Variants in COX7A1 observed in about 807,000 individuals in gnomAD.
COX7A1 encodes the protein cytochrome c oxidase subunit 7A1.
A neutral mutation model predicts 13.2 loss-of-function variants in COX7A1; 21 were observed. The ratio of observed to expected loss-of-function variants is 1.59; its 90% CI spans 1.13 to 2.29. The LOEUF is 2.29. Among genes scored for constraint, COX7A1 ranks in the 30% most tolerant of loss-of-function variants. The pLI is 0.00. For synonymous variants in COX7A1, 41 were observed against 41.9 expected, an observed-to-expected ratio of 0.98 and a Z score of 0.08; for missense variants, 107 against 100.0, an observed-to-expected ratio of 1.07 and a Z score of -0.30.
intron 1 of COX7A1, 34 bp downstream of exon 1, chr19:36,152,359 T>C: frequency 7.9e-7 from 1 of 1,270,886 alleles, no homozygotes; most frequent in Non-Finnish European, 1.0e-6. Flanking sequence ...GTTTTCTGGG[T>C]GGGGGGCTCC....
intron 1 of COX7A1, 52 bp downstream of exon 1, chr19:36,152,341 A>C (rs1446202859): frequency 1.6e-5 from 19 of 1,166,246 alleles, no homozygotes; most frequent in Non-Finnish European, 1.7e-5. Flanking sequence ...GTCGCGTATT[A>C]GGGCGGGGTT....
chr19:36,151,525 A>C lies in COX7A1; in HGVS notation c.124T>G (p.Tyr42Asp). 6.2e-7 allele frequency: 1 copy of C among 1,614,170 alleles called. No homozygotes were observed. ...TTGTCAACGATGCCGCCCTTCAGGT[A>C]CAACGGGATGTCATTGTCCTCCTGG... ...LFQEDNDIPL[Y>D]LKGGIVDNIL... is the part of the protein sequence containing the mutation. Residue 42 changes from tyrosine to aspartate, a missense_variant, in exon 3 of 4, where the codon TAC becomes GAC. Tyr to Asp is a radical substitution (Grantham distance 160). Coordinates refer to ENST00000292907, the MANE Select transcript of COX7A1 (RefSeq NM_001864.4).
Position 36,151,529 on chromosome 19 carries a change from C to T in COX7A1, c.120G>A (p.Pro40=), listed in dbSNP as rs758307661. ...CAACGATGCCGCCCTTCAGGTACAACGGGATGTCATTGTCCTCCTGGATGT... is the reference window on the plus strand; with the variant it reads ...CAACGATGCCGCCCTTCAGGTACAATGGGATGTCATTGTCCTCCTGGATGT... ...QKLFQEDNDI[P]LYLKGGIVDN... The change falls in exon 3 of 4, where the codon CCG becomes CCA. Residue 40 remains proline, a synonymous_variant. Transcript: ENST00000292907. The T allele has an allele frequency of 1.2e-6, 2 of 1,614,064 alleles. No individual in the cohort carries two copies. The highest frequency in any genetic ancestry group is 2.7e-5 in the African/African-American group (2 of 74,930).
chr19:36,151,368 C>A, intron 3 of COX7A1, 94 bp downstream of exon 3: 1 of 1,409,130 alleles, frequency 7.1e-7, no homozygotes, highest in Non-Finnish European at 9.9e-7. Flanking sequence ...CAACCCCCAA[C>A]CCAGATCCTG....
intron 1 of COX7A1, chr19:36,152,145 G>A: frequency 3.5e-6 from 2 of 577,510 alleles, no homozygotes; most frequent in African/African-American, 1.9e-5. Context: ...GAAGGCCCGG[G>A]TGAGGCCAGT....
At chr19:36,152,365 G>A in intron 1 of COX7A1, 28 bp downstream of exon 1, 4 of 1,328,160 alleles carry the variant, frequency 3.0e-6, no homozygotes, top group South Asian at 2.4e-5. Context: ...TGGGTGGGGG[G>A]CTCCGGCCCA....
chr19:36,152,381 TG>T lies in COX7A1; in HGVS notation c.15+11del. On this transcript the variant is annotated intron_variant, in intron 1 of 3. Transcript: ENST00000292907. ...GGGTGGGGGGCTCCGGCCCAGCCCA[TG>T]GGGGCCTCACCCGAAGGGCCTGCAT... 3.7e-6 allele frequency: 5 copies of T among 1,352,690 alleles called. No homozygotes were observed. The highest frequency in any genetic ancestry group is 3.0e-5 in the Admixed American group (1 of 33,364). 83.8% of individuals were successfully genotyped at this position (1,352,690 alleles called of 1,614,324 possible).
intron 3 of COX7A1, 61 bp downstream of exon 3, chr19:36,151,401 C>T: frequency 2.5e-6 from 4 of 1,580,712 alleles, no homozygotes; most frequent in Non-Finnish European, 3.5e-6. Flanking sequence ...CAGAAACCAG[C>T]CACCTCTTAC....
intron 2 of COX7A1, 24 bp downstream of exon 2, chr19:36,151,645 T>TGGG: frequency 7.2e-7 from 1 of 1,387,620 alleles, no homozygotes; most frequent in Non-Finnish European, 9.9e-7. Context: ...GCGCGTCGGA[T>TGGG]CCCCACCCCC....
At position 36,151,007 on chromosome 19, in the gene COX7A1, C is replaced by T. The variant is rs1253701496; in HGVS notation, c.215G>A (p.Gly72Asp). The T allele has an allele frequency of 1.2e-6, 2 of 1,613,996 alleles. No individual in the cohort carries two copies. Among genetic ancestry groups the T allele is most frequent in the Non-Finnish European group, 1.7e-6 (2 of 1,179,950 alleles). ...TTAATTCCTGGGGAAGGAGGCCCAG[C>T]CAAGGGAGTACAAGCTGTAGACAGT... ...GGTVYSLYSL[G>D]WASFPRN The change falls in exon 4 of 4, where the codon GGC becomes GAC. Residue 72 changes from glycine (G) to aspartate (D), a missense_variant. Gly to Asp is a moderately conservative substitution (Grantham distance 94). Transcript: ENST00000292907.
rs1441889169 is a variant in COX7A1 at position 36,151,674 on chromosome 19, A to G, written c.97T>C (p.Phe33Leu). The G allele has an allele frequency of 1.9e-6, 2 of 1,067,358 alleles. No homozygotes were observed. The highest frequency in any genetic ancestry group is 3.4e-5 in the East Asian group (1 of 29,566). 66.1% of individuals were successfully genotyped at this position (1,067,358 alleles called of 1,614,324 possible). A position where few individuals can be genotyped will look rare whatever the true frequency, so the allele number is the denominator to read the frequency against. ...CACCCCCCCCGACCCCCCACCTGGAAGAGCTTCTGTTTCTCGCGCACTCGG... is the reference window on the plus strand; with the variant it reads ...CACCCCCCCCGACCCCCCACCTGGAGGAGCTTCTGTTTCTCGCGCACTCGG... ...QNRVREKQKLFQEDNDIPLYL... is the reference protein window; with the variant it reads ...QNRVREKQKLLQEDNDIPLYL... The change falls in exon 2 of 4, where the codon TTC becomes CTC. Residue 33 changes from phenylalanine to leucine, a missense_variant. Phe to Leu is a conservative substitution (Grantham distance 22, BLOSUM62 0). Coordinates refer to ENST00000292907, the MANE Select transcript of COX7A1 (RefSeq NM_001864.4).
At position 36,152,360 on chromosome 19, in the gene COX7A1, GGGGGGCTCCGGCCC is replaced by G; in HGVS notation, c.15+19_15+32del. 1 of 1,325,112 alleles carries G rather than the reference GGGGGGCTCCGGCCC, an allele frequency of 7.5e-7. No individual in the cohort carries two copies. The highest frequency in any genetic ancestry group is 9.7e-7 in the Non-Finnish European group (1 of 1,027,848). 82.1% of individuals were successfully genotyped at this position (1,325,112 alleles called of 1,614,324 possible). A position where few individuals can be genotyped will look rare whatever the true frequency, so the allele number is the denominator to read the frequency against. On this transcript the variant is annotated intron_variant, in intron 1 of 3. Coordinates refer to ENST00000292907, the MANE Select transcript of COX7A1 (RefSeq NM_001864.4). ...CGTATTAGGGCGGGGTTTTCTGGGTGGGGGGCTCCGGCCCAGCCCATGGGGGCCTCACCCGAAGG... is the reference window on the plus strand; with the variant it reads ...CGTATTAGGGCGGGGTTTTCTGGGTGAGCCCATGGGGGCCTCACCCGAAGG...
chr19:36,152,090 G>C (rs1974782620), intron 1 of COX7A1: 1 of 596,042 alleles, frequency 1.7e-6, no homozygotes, highest in South Asian at 2.1e-5. Context: ...TCCCGGGAAC[G>C]TGGGGACCGG....
chr19:36,151,515 C>T lies in COX7A1; in HGVS notation c.134G>A (p.Gly45Asp). 1 of 1,614,208 alleles carries T rather than the reference C, an allele frequency of 6.2e-7. No individual in the cohort carries two copies. The highest frequency in any genetic ancestry group is 1.1e-5 in the South Asian group (1 of 91,088). The change falls in exon 3 of 4, where the codon GGC (glycine) becomes GAC (aspartate). Residue 45 changes from glycine to aspartate, a missense_variant. Physicochemically the swap from Gly to Asp is moderately conservative, Grantham distance 94 (BLOSUM62 -1). Coordinates refer to ENST00000292907, the MANE Select transcript of COX7A1 (RefSeq NM_001864.4). Reference protein sequence around the residue: ...EDNDIPLYLKGGIVDNILYRV... With the variant: ...EDNDIPLYLKDGIVDNILYRV... ...GTACAGGATGTTGTCAACGATGCCG[C>T]CCTTCAGGTACAACGGGATGTCATT... is the stretch of plus-strand genomic sequence containing the variant.
rs1220237136 is a variant in COX7A1, at chr19:36,151,479, ATT to A, written c.168_169del (p.Met57AspfsTer39). 6.2e-7 allele frequency: 1 copy of A among 1,614,062 alleles called. No individual in the cohort carries two copies. Among genetic ancestry groups the A allele is most frequent in the South Asian group, 1.1e-5 (1 of 91,088 alleles). ...GCGCTCACCGCCCAGACACAGCGTC[ATT>A]GTCACTCGGTACAGGATGTTGTCAA... On this transcript the variant is annotated frameshift_variant, in exon 3 of 4. Transcript: ENST00000292907. LOFTEE classifies it high-confidence loss of function.
rs1213508744 is a variant in COX7A1 at position 36,152,444 on chromosome 19, C to T, written c.-37G>A. ...CTCTTCCGCCGGAGTCACCTCCCTT[C>T]TCCGCCCAAGGACACGCGTAGTCCT... is the stretch of plus-strand genomic sequence containing the variant. On this transcript the variant is annotated 5_prime_UTR_variant, in exon 1 of 4. Coordinates refer to ENST00000292907, the MANE Select transcript of COX7A1 (RefSeq NM_001864.4). The T allele has an allele frequency of 8.3e-6, 11 of 1,329,442 alleles. No homozygotes were observed. The highest frequency in any genetic ancestry group is 1.1e-5 in the Non-Finnish European group (11 of 1,028,614). The allele number at this position is 1,329,442 out of a possible 1,614,324, so 82.4% of individuals were successfully genotyped here.
rs748684336 is a variant in COX7A1, at chr19:36,151,656, C to CAG, written c.102+12_102+13insCT. 1.4e-6 allele frequency: 2 copies of CAG among 1,451,484 alleles called. No individual in the cohort carries two copies. Among genetic ancestry groups the CAG allele is most frequent in the East Asian group, 2.6e-5 (1 of 38,202 alleles). 89.9% of individuals were successfully genotyped at this position (1,451,484 alleles called of 1,614,324 possible). ...GCTGGCGCGTCGGATCCCCACCCCC[C>CAG]CCGACCCCCCACCTGGAAGAGCTTC... On this transcript the variant is annotated intron_variant, in intron 2 of 3. Coordinates refer to ENST00000292907, the MANE Select transcript of COX7A1 (RefSeq NM_001864.4).
intron 2 of COX7A1, 24 bp downstream of exon 2, chr19:36,151,645 T>TGCCCCCCCCCCCCCCCCCCC: frequency 9.4e-6 from 13 of 1,387,570 alleles, no homozygotes; most frequent in Non-Finnish European, 1.3e-5. Flanking sequence ...GCGCGTCGGA[T>TGCCCCCCCCCCCCCCCCCCC]CCCCACCCCC....
In COX7A1 at chr19:36,151,683, G is replaced by A; in HGVS notation, c.88C>T (p.Gln30Ter). The A allele has an allele frequency of 6.5e-7, 1 of 1,527,900 alleles. No homozygotes were observed. The highest frequency in any genetic ancestry group is 8.9e-7 in the Non-Finnish European group (1 of 1,126,186). 94.6% of individuals were successfully genotyped at this position (1,527,900 alleles called of 1,614,324 possible). ...NRFQNRVREK[Q>*]KLFQEDNDIP... ...CGACCCCCCACCTGGAAGAGCTTCT[G>A]TTTCTCGCGCACTCGGTTCTGAAAG... Residue 30 changes from glutamine (Q) to a stop codon, truncating the protein, a stop_gained, in exon 2 of 4, where the codon CAG (glutamine) becomes TAG (stop). Transcript: ENST00000292907. LOFTEE classifies it high-confidence loss of function.
Sources: gnomAD v4.1 joint callset for allele counts on GRCh38, gnomAD v4.1.1 for gene constraint, MANE v1.5 for transcripts, NCBI Gene and HGNC (gene_info 2026-07-23, HGNC 2026-07-21) for gene names.